The following IL1RAPL1 variants were observed in gnomAD, a reference collection of about 807,000 sequenced individuals.
IL1RAPL1 encodes the protein interleukin-1 receptor accessory protein-like 1.
IL1RAPL1 carries 3 observed loss-of-function variants against 48.4 expected under a neutral mutation model. The observed-to-expected ratio is 0.06, with a 90% CI of 0.03 to 0.16. IL1RAPL1 has a LOEUF of 0.16. Ranked by LOEUF, IL1RAPL1 falls within the 10% of genes least tolerant of loss-of-function variation. The pLI is 1.00. For synonymous variants in IL1RAPL1, 185 were observed against 187.7 expected (o/e 0.99, Z 0.12); for missense variants, 349 against 530.6 (o/e 0.66, Z 3.36).
intron 3 of IL1RAPL1, among the ~76,000 whole-genome samples, chrX:29,350,836 T>C (rs1213984777): frequency 1.8e-5 from 2 of 111,896 alleles, no homozygotes; most frequent in African/African-American, 6.5e-5. Flanking sequence ...TTTAGAAGTT[T>C]TGTGATATTT....
chrX:28,898,669 C>T (rs1050587579), intron 2 of IL1RAPL1, among the ~76,000 whole-genome samples: 1 of 111,420 alleles, frequency 9.0e-6, no homozygotes, highest in African/African-American at 3.3e-5. Context: ...GACTGGTGCT[C>T]CTCAAACTTA....
rs748146989 is a variant in IL1RAPL1 at position 28,812,134 on chromosome X, A to G, written c.82+22709A>G. ...TATTTGAATTACAGAGATCAGCAACAGTATAAATATTGCAGGAAAATTTAT... is the reference window on the plus strand; with the variant it reads ...TATTTGAATTACAGAGATCAGCAACGGTATAAATATTGCAGGAAAATTTAT... On this transcript the variant is annotated intron_variant, in intron 2 of 10. Coordinates refer to ENST00000378993, the MANE Select transcript of IL1RAPL1 (RefSeq NM_014271.4). Among the ~76,000 whole-genome samples the G allele has an allele frequency of 9.2e-4, 102 of 111,392 alleles. 1 individual carries two copies. The highest frequency in any genetic ancestry group is 9.5e-4 in the Non-Finnish European group (50 of 52,694).
chrX:29,664,643 G>A (rs773964936), intron 5 of IL1RAPL1, among the ~76,000 whole-genome samples: 177 of 111,423 alleles, frequency 1.6e-3, no homozygotes, highest in Non-Finnish European at 2.8e-3. Context: ...TCCACGTTAA[G>A]AACTTTAAAA....
intron 2 of IL1RAPL1, among the ~76,000 whole-genome samples, chrX:29,147,935 A>G (rs1295812243): frequency 8.9e-6 from 1 of 111,903 alleles, no homozygotes; most frequent in Non-Finnish European, 1.9e-5. Flanking sequence ...TTAAAAATGT[A>G]AGATATCTTT....
At chrX:29,701,722 T>G (rs1927052761) in intron 6 of IL1RAPL1, among the ~76,000 whole-genome samples, 1 of 110,911 alleles carries the variant, frequency 9.0e-6, no homozygotes, top group African/African-American at 3.3e-5. Flanking sequence ...CTCCAAAGGG[T>G]GGAGAAGTCA....
At chrX:29,454,545 A>C (rs1934716462) in intron 5 of IL1RAPL1, among the ~76,000 whole-genome samples, 1 of 111,531 alleles carries the variant, frequency 9.0e-6, no homozygotes, top group African/African-American at 3.3e-5. Context: ...GTTCAAAACT[A>C]AGCAGACAAG....
intron 2 of IL1RAPL1, among the ~76,000 whole-genome samples, chrX:29,088,649 T>C (rs2651177): frequency 0.4 from 32,947 of 82,629 alleles, 6,375 homozygotes; most frequent in Non-Finnish European, 0.51. Context: ...TACTCCAGCA[T>C]GGGCAAGAGT....
intron 6 of IL1RAPL1, among the ~76,000 whole-genome samples, chrX:29,789,973 CAGAATG>C (rs1929594794): frequency 9.0e-6 from 1 of 110,557 alleles, no homozygotes; most frequent in Non-Finnish European, 1.9e-5. Flanking sequence ...TCACTTTGGA[CAGAATG>C]ATGATATCTT....
At chrX:28,843,406 A>G (rs924553656) in intron 2 of IL1RAPL1, among the ~76,000 whole-genome samples, 2 of 111,769 alleles carry the variant, frequency 1.8e-5, no homozygotes, top group African/African-American at 6.5e-5. Flanking sequence ...AATGAGCTGA[A>G]CGTAAAAGAT....
chrX:29,506,480 T>C (rs1935331694), intron 5 of IL1RAPL1, among the ~76,000 whole-genome samples: 1 of 102,091 alleles, frequency 9.8e-6, no homozygotes, highest in Non-Finnish European at 2.0e-5. Flanking sequence ...TCATTCTTCT[T>C]CTTCTTTGTG....
chrX:29,073,610 G>A (rs1927611784), intron 2 of IL1RAPL1, among the ~76,000 whole-genome samples: 1 of 111,164 alleles, frequency 9.0e-6, no homozygotes, highest in Admixed American at 9.6e-5. Context: ...GTAATGATAA[G>A]ACATCCATAT....
At chrX:29,762,843 A>C (rs1250207527) in intron 6 of IL1RAPL1, among the ~76,000 whole-genome samples, 1 of 111,203 alleles carries the variant, frequency 9.0e-6, no homozygotes, top group African/African-American at 3.3e-5. Context: ...ATTCAGTGCC[A>C]GCACAATTTA....
chrX:29,027,643 G>T (rs918586543), intron 2 of IL1RAPL1, among the ~76,000 whole-genome samples: 2 of 111,543 alleles, frequency 1.8e-5, no homozygotes, highest in Non-Finnish European at 3.8e-5. Context: ...ATTCCATTTT[G>T]TATTCCCACC....
intron 2 of IL1RAPL1, among the ~76,000 whole-genome samples, chrX:28,843,968 A>G (rs1397127078): frequency 5.5e-5 from 6 of 109,907 alleles, no homozygotes; most frequent in South Asian, 3.9e-4. Context: ...TATTGTTTCA[A>G]TAGCCTCTTA....
chrX:29,941,063 TTAGA>T (rs1393927588), intron 8 of IL1RAPL1, among the ~76,000 whole-genome samples: 1 of 111,783 alleles, frequency 8.9e-6, no homozygotes, highest in Non-Finnish European at 1.9e-5. Flanking sequence ...ACAGCATTCA[TTAGA>T]TAGTCTTCCC....
At chrX:29,946,079 A>G (rs1051688011) in intron 9 of IL1RAPL1, among the ~76,000 whole-genome samples, 14 of 111,313 alleles carry the variant, frequency 1.3e-4, no homozygotes, top group Admixed American at 1.9e-4. Context: ...CATCAATATC[A>G]GTCAATTGCA....
intron 2 of IL1RAPL1, among the ~76,000 whole-genome samples, chrX:29,175,882 A>G (rs1415406475): frequency 2.9e-5 from 3 of 103,485 alleles, no homozygotes; most frequent in Non-Finnish European, 5.9e-5. Flanking sequence ...ATTCCAGTGT[A>G]TATTCCATGT....
chrX:29,148,897 C>CT (rs772770822), intron 2 of IL1RAPL1, among the ~76,000 whole-genome samples: 15 of 111,595 alleles, frequency 1.3e-4, no homozygotes, highest in African/African-American at 4.9e-4. Context: ...ATACCAGCCT[C>CT]TTTTTTGTAT....
intron 1 of IL1RAPL1, among the ~76,000 whole-genome samples, chrX:28,633,703 A>G (rs1477555671): frequency 8.9e-6 from 1 of 112,206 alleles, no homozygotes; most frequent in South Asian, 3.7e-4. Flanking sequence ...CAGCCTATGA[A>G]TATTATTACA....
Sources: allele counts gnomAD v4.1 joint callset (sites outside exome capture counted in the v4.1 genomes callset), GRCh38; gene constraint gnomAD v4.1.1; transcripts MANE v1.5; gene names NCBI Gene and HGNC (gene_info 2026-07-23, HGNC 2026-07-21).